The following MTUS2 variants were observed in gnomAD, a reference collection of about 807,000 sequenced individuals.
The protein encoded by MTUS2 is microtubule associated scaffold protein 2.
MTUS2 carries 40 observed loss-of-function variants against 114.1 expected under a neutral mutation model. The observed-to-expected ratio is 0.35, with a 90% CI of 0.27 to 0.46. The LOEUF is 0.46. MTUS2 is among the 20% of genes least tolerant of loss of function. The pLI is 1.00. For synonymous variants in MTUS2, 688 were observed against 672.0 expected (o/e 1.02, Z -0.37); for missense variants, 1,679 against 1,705.4 (o/e 0.98, Z 0.27).
intron 6 of MTUS2, among the ~76,000 whole-genome samples, chr13:29,284,796 T>C (rs763730324): frequency 3.3e-5 from 5 of 152,182 alleles, no homozygotes; most frequent in African/African-American, 4.8e-5. Flanking sequence ...AAGTCAGAAC[T>C]CATCTGAAAT....
At chr13:29,324,164 C>G (rs1318482827) in intron 6 of MTUS2, among the ~76,000 whole-genome samples, 3 of 152,310 alleles carry the variant, frequency 2.0e-5, no homozygotes, top group Non-Finnish European at 4.4e-5. Context: ...CAGACCATGT[C>G]CCCCGTGGCT....
chr13:28,972,019 A>G (rs1883879462), intron 2 of MTUS2, among the ~76,000 whole-genome samples: 1 of 152,262 alleles, frequency 6.6e-6, no homozygotes, highest in East Asian at 1.9e-4. Context: ...TTATGGCTTT[A>G]GTATTAATGA....
chr13:28,989,487 C>T (rs1884727755), intron 2 of MTUS2, among the ~76,000 whole-genome samples: 1 of 152,194 alleles, frequency 6.6e-6, no homozygotes, highest in African/African-American at 2.4e-5. Flanking sequence ...TATCCCTCAG[C>T]AATCTCTAAG....
chr13:29,035,674 A>C (rs949759045), intron 4 of MTUS2, among the ~76,000 whole-genome samples: 1 of 151,854 alleles, frequency 6.6e-6, no homozygotes, highest in Non-Finnish European at 1.5e-5. Context: ...TTTTCTTTTT[A>C]TTTCACAAGA....
chr13:29,252,852 C>A (rs979468340), intron 5 of MTUS2, among the ~76,000 whole-genome samples: 1 of 152,038 alleles, frequency 6.6e-6, no homozygotes, highest in Non-Finnish European at 1.5e-5. Flanking sequence ...TGCCTTTCGC[C>A]TTTTGCCATG....
chr13:29,412,732 A>T (rs1348836789), intron 8 of MTUS2, among the ~76,000 whole-genome samples: 2 of 152,124 alleles, frequency 1.3e-5, no homozygotes, highest in Non-Finnish European at 2.9e-5. Context: ...TCTTCAAAAA[A>T]TTTTTAAAAA....
intron 7 of MTUS2, among the ~76,000 whole-genome samples, chr13:29,343,406 T>C (rs1374592263): frequency 6.6e-6 from 1 of 152,132 alleles, no homozygotes; most frequent in Non-Finnish European, 1.5e-5. Context: ...TCCAGGAATT[T>C]TTCCATCTCC....
chr13:29,454,311 G>A (rs1878953388), intron 9 of MTUS2, among the ~76,000 whole-genome samples: 1 of 152,186 alleles, frequency 6.6e-6, no homozygotes, highest in African/African-American at 2.4e-5. Context: ...ATGATTCCAG[G>A]TGAGGTGTCA....
rs145885275 is a variant in MTUS2 at position 29,047,140 on chromosome 13, C to T, written c.2446+13015C>T. ...TTTCCTTAGGATTTTGAGCATCATT[C>T]GTAACAGACTGAACTGAGTTAAATC... On this transcript the variant is annotated intron_variant, in intron 4 of 15. Coordinates refer to ENST00000612955, the MANE Select transcript of MTUS2 (RefSeq NM_001033602.4). Among the ~76,000 whole-genome samples, 470 of 152,292 alleles carry T rather than the reference C, an allele frequency of 3.1e-3. 2 individuals are homozygous for T. The highest frequency in any genetic ancestry group is 0.01 in the African/African-American group (432 of 41,568).
intron 2 of MTUS2, among the ~76,000 whole-genome samples, chr13:28,942,650 A>G (rs1382666990): frequency 6.6e-6 from 1 of 152,246 alleles, no homozygotes; most frequent in Non-Finnish European, 1.5e-5. Flanking sequence ...AGCTGTTGTT[A>G]CATGGTGACA....
At chr13:28,849,746 A>G (rs1381347161) in intron 2 of MTUS2, among the ~76,000 whole-genome samples, 1 of 151,866 alleles carries the variant, frequency 6.6e-6, no homozygotes, top group Non-Finnish European at 1.5e-5. Context: ...CTTCTCCTCT[A>G]AACATGCCTT....
At chr13:29,088,077 A>T (rs4002224) in intron 4 of MTUS2, among the ~76,000 whole-genome samples, 97,140 of 150,406 alleles carry the variant, frequency 0.65, 32,584 homozygotes, top group Non-Finnish European at 0.74. Context: ...AAAAAAAAAA[A>T]AAAAAGAATT....
chr13:29,451,594 T>A (rs1878685083), intron 9 of MTUS2, among the ~76,000 whole-genome samples: 1 of 152,086 alleles, frequency 6.6e-6, no homozygotes, highest in African/African-American at 2.4e-5. Context: ...CCAATTTTTT[T>A]TTTTTTTGAG....
chr13:28,941,186 T>G (rs1882214605), intron 2 of MTUS2, among the ~76,000 whole-genome samples: 1 of 152,162 alleles, frequency 6.6e-6, no homozygotes, highest in Non-Finnish European at 1.5e-5. Flanking sequence ...TATACACTCT[T>G]AAGCATTTTT....
intron 5 of MTUS2, among the ~76,000 whole-genome samples, chr13:29,229,787 T>G (rs1896252171): frequency 6.6e-6 from 1 of 152,232 alleles, no homozygotes; most frequent in Non-Finnish European, 1.5e-5. Context: ...TTTTCATTTG[T>G]GTACATTTCT....
intron 8 of MTUS2, among the ~76,000 whole-genome samples, chr13:29,381,341 A>G (rs1026245455): frequency 1.7e-4 from 26 of 152,366 alleles, no homozygotes; most frequent in Admixed American, 1.3e-3. Context: ...GATATTGTGT[A>G]AAATTAGAGG....
chr13:29,478,153 G>T (rs914411233), intron 9 of MTUS2, among the ~76,000 whole-genome samples: 12 of 152,206 alleles, frequency 7.9e-5, no homozygotes, highest in African/African-American at 2.9e-4. Flanking sequence ...CAGCCTGAAG[G>T]AGACTAAGGA....
rs898927754 is a variant in MTUS2, at chr13:28,852,971, A to T, written c.-243+13121A>T. Among the ~76,000 whole-genome samples, 7 of 151,782 alleles carry T rather than the reference A, an allele frequency of 4.6e-5. No homozygotes were observed. The East Asian group carries it at 7.7e-4, about 17-fold the overall frequency. ...TAAATACATACATACATACATACAT[A>T]CATTCATTCATTCATTCATTCCTTG... On this transcript the variant is annotated intron_variant, in intron 2 of 15. Transcript: ENST00000612955.
intron 5 of MTUS2, among the ~76,000 whole-genome samples, chr13:29,199,504 A>G (rs905022730): frequency 5.9e-5 from 9 of 152,130 alleles, no homozygotes; most frequent in Admixed American, 1.3e-4. Context: ...ATTGATTTGC[A>G]TATGTTGAAC....
Sources: gnomAD v4.1 joint callset for allele counts (sites outside exome capture counted in the v4.1 genomes callset) on GRCh38, gnomAD v4.1.1 for gene constraint, MANE v1.5 for transcripts, NCBI Gene and HGNC (gene_info 2026-07-23, HGNC 2026-07-21) for gene names.